Variants in IL1RAPL1 observed in about 807,000 individuals in gnomAD.
IL1RAPL1 encodes the protein interleukin 1 receptor accessory protein like 1.
A neutral mutation model predicts 48.4 loss-of-function variants in IL1RAPL1; 3 were observed. The observed-to-expected ratio is 0.06, with a 90% CI of 0.03 to 0.16. The LOEUF is 0.16. Ranked by LOEUF, IL1RAPL1 falls within the 10% of genes least tolerant of loss-of-function variation. The pLI is 1.00. For missense variants in IL1RAPL1, 349 were observed against 530.6 expected (o/e 0.66, Z 3.36); for synonymous variants, 185 against 187.7 (o/e 0.99, Z 0.12).
chrX:28,723,272 A>C (rs768382103), intron 1 of IL1RAPL1, among the ~76,000 whole-genome samples: 44 of 110,308 alleles, frequency 4.0e-4, no homozygotes, highest in Non-Finnish European at 5.1e-4. Context: ...AATTTCAGAT[A>C]CTGTTATTGG....
intron 2 of IL1RAPL1, among the ~76,000 whole-genome samples, chrX:29,206,388 T>C (rs1302654021): frequency 1.8e-5 from 2 of 111,540 alleles, no homozygotes; most frequent in Admixed American, 1.9e-4. Context: ...CCTTTGAGTA[T>C]GTATAACCTA....
At position 29,500,781 on chromosome X, in the gene IL1RAPL1, A is replaced by C. The variant is rs185050230; in HGVS notation, c.703+101473A>C. On this transcript the variant is annotated intron_variant, in intron 5 of 10. Coordinates refer to ENST00000378993, the MANE Select transcript of IL1RAPL1 (RefSeq NM_014271.4). ...TGAATAGTGCTGCAATAAACATGGA[A>C]GTGTAGATCTCTCTTTGATATATTT... is the stretch of plus-strand genomic sequence containing the variant. Among the ~76,000 whole-genome samples, 306 of 111,677 alleles carry C rather than the reference A, an allele frequency of 2.7e-3. 1 individual carries two copies. The highest frequency in any genetic ancestry group is 9.4e-3 in the African/African-American group (289 of 30,776).
intron 6 of IL1RAPL1, among the ~76,000 whole-genome samples, chrX:29,751,955 A>G (rs1382850260): frequency 1.9e-5 from 2 of 104,846 alleles, no homozygotes; most frequent in Non-Finnish European, 3.9e-5. Flanking sequence ...AAAAAATGTA[A>G]CTACCTATAT....
intron 1 of IL1RAPL1, among the ~76,000 whole-genome samples, chrX:28,689,844 T>C (rs780087865): frequency 3.2e-4 from 36 of 111,478 alleles, no homozygotes; most frequent in Non-Finnish European, 3.2e-4. Flanking sequence ...CCGGTTACTA[T>C]GGCAGAAAAA....
intron 6 of IL1RAPL1, among the ~76,000 whole-genome samples, chrX:29,675,378 G>A (rs374645190): frequency 8.8e-4 from 98 of 111,814 alleles, no homozygotes; most frequent in African/African-American, 2.9e-3. Context: ...AATGCAGAGA[G>A]TCCATTTAAG....
intron 2 of IL1RAPL1, among the ~76,000 whole-genome samples, chrX:29,212,271 C>T (rs1930783871): frequency 1.8e-5 from 2 of 110,979 alleles, no homozygotes; most frequent in Non-Finnish European, 3.8e-5. Context: ...CAGCTCCCCA[C>T]GACCATGCAG....
At chrX:28,720,001 A>G (rs1044353240) in intron 1 of IL1RAPL1, among the ~76,000 whole-genome samples, 6 of 111,260 alleles carry the variant, frequency 5.4e-5, no homozygotes, top group Non-Finnish European at 7.5e-5. Context: ...TACTTGGAAA[A>G]TATGATGTAA....
intron 6 of IL1RAPL1, among the ~76,000 whole-genome samples, chrX:29,749,933 T>C (rs1004117309): frequency 8.9e-6 from 1 of 111,820 alleles, no homozygotes; most frequent in Non-Finnish European, 1.9e-5. Context: ...TCCTGATATA[T>C]GGACCCTCTT....
chrX:29,830,066 T>G (rs1930838239), intron 6 of IL1RAPL1, among the ~76,000 whole-genome samples: 1 of 112,438 alleles, frequency 8.9e-6, no homozygotes, highest in African/African-American at 3.2e-5. Context: ...TCAATTCAAT[T>G]ATTCTGAATT....
intron 2 of IL1RAPL1, among the ~76,000 whole-genome samples, chrX:29,120,477 G>A (rs746109388): frequency 2.7e-5 from 3 of 111,158 alleles, no homozygotes; most frequent in Non-Finnish European, 5.7e-5. Flanking sequence ...TCTGGGTTCT[G>A]TATTCTGTTC....
chrX:29,057,677 C>T (rs1927250966), intron 2 of IL1RAPL1, among the ~76,000 whole-genome samples: 1 of 111,294 alleles, frequency 9.0e-6, no homozygotes, highest in Admixed American at 9.5e-5. Context: ...GATCCGCCCG[C>T]CTCGGCCTCC....
intron 2 of IL1RAPL1, among the ~76,000 whole-genome samples, chrX:28,858,431 T>G (rs1246630127): frequency 1.8e-5 from 2 of 111,734 alleles, no homozygotes; most frequent in African/African-American, 6.5e-5. Flanking sequence ...CAGACTTCAT[T>G]GTTGTCTTAT....
chrX:29,710,622 A>T (rs1277658277), intron 6 of IL1RAPL1, among the ~76,000 whole-genome samples: 2 of 104,992 alleles, frequency 1.9e-5, no homozygotes, highest in Non-Finnish European at 3.9e-5. Flanking sequence ...ATATATATAT[A>T]ATATATATAT....
intron 6 of IL1RAPL1, among the ~76,000 whole-genome samples, chrX:29,909,061 C>T (rs1174547144): frequency 2.7e-5 from 3 of 111,434 alleles, no homozygotes; most frequent in Non-Finnish European, 5.6e-5. Context: ...ATTAGTAAAA[C>T]TTCTAAAACA....
At chrX:28,946,097 G>C (rs1924296398) in intron 2 of IL1RAPL1, among the ~76,000 whole-genome samples, 1 of 109,471 alleles carries the variant, frequency 9.1e-6, no homozygotes, top group African/African-American at 3.3e-5. Flanking sequence ...GATAAAAAAA[G>C]AGGTACATGG....
intron 5 of IL1RAPL1, among the ~76,000 whole-genome samples, chrX:29,519,595 G>A (rs1012483699): frequency 1.8e-5 from 2 of 112,066 alleles, no homozygotes; most frequent in Non-Finnish European, 3.8e-5. Context: ...ATTTTGTTAA[G>A]TCAATGCTTG....
At chrX:29,044,292 TG>T (rs1302247173) in intron 2 of IL1RAPL1, among the ~76,000 whole-genome samples, 2 of 110,264 alleles carry the variant, frequency 1.8e-5, no homozygotes, top group Non-Finnish European at 3.8e-5. Flanking sequence ...TAGCCGAGTA[TG>T]GTTGCAGGTG....
At chrX:29,092,626 A>G (rs1224661490) in intron 2 of IL1RAPL1, among the ~76,000 whole-genome samples, 3 of 112,192 alleles carry the variant, frequency 2.7e-5, no homozygotes, top group Non-Finnish European at 5.6e-5. Flanking sequence ...TACTGTTTTA[A>G]TTAATATAAT....
intron 3 of IL1RAPL1, among the ~76,000 whole-genome samples, chrX:29,380,922 T>G (rs1435133226): frequency 8.9e-6 from 1 of 112,154 alleles, no homozygotes; most frequent in Admixed American, 9.5e-5. Flanking sequence ...TAGTATTAAA[T>G]GCCATGGAGT....
Sources: allele counts gnomAD v4.1 joint callset (sites outside exome capture counted in the v4.1 genomes callset), GRCh38; gene constraint gnomAD v4.1.1; transcripts MANE v1.5; gene names NCBI Gene and HGNC (gene_info 2026-07-23, HGNC 2026-07-21).